The following WDFY4 variants were observed in gnomAD, a reference collection of about 807,000 sequenced individuals.
WDFY4 encodes WDFY family member 4, also known as WD repeat- and FYVE domain-containing protein 4.
Under a neutral mutation model 351.9 loss-of-function variants are expected in WDFY4, and 169 were observed. The observed-to-expected ratio is 0.48, with a 90% confidence interval of 0.42 to 0.55. WDFY4 has a LOEUF of 0.55. WDFY4 is among the 20% of genes least tolerant of loss of function. WDFY4 has a pLI of 0.00. For synonymous variants in WDFY4, 1,622 were observed against 1,574.6 expected, an observed-to-expected ratio of 1.03 and a Z score of -0.71; for missense variants, 3,803 against 3,935.6, an observed-to-expected ratio of 0.97 and a Z score of 0.90.
At chr10:48,967,354 G>A (rs1310708747) in intron 55 of WDFY4, 1 of 152,266 alleles carries the variant, frequency 6.6e-6, no homozygotes, top group African/African-American at 2.4e-5. Context: ...TGAAAAACAT[G>A]AGAAATAGGT....
At chr10:48,921,798 A>G (rs946530389) in intron 47 of WDFY4, among the ~76,000 whole-genome samples, 1 of 152,212 alleles carries the variant, frequency 6.6e-6, no homozygotes, top group Non-Finnish European at 1.5e-5. Flanking sequence ...AAATGTACAG[A>G]CACAAAAATC....
intron 16 of WDFY4, 102 bp downstream of exon 16, chr10:48,777,086 C>A: frequency 7.5e-7 from 1 of 1,339,672 alleles, no homozygotes. Context: ...CATTGAATCT[C>A]ACCACTCAGC....
rs75807581 is a variant in WDFY4 at position 48,822,995 on chromosome 10, G to A, written c.5982+458G>A. Among the ~76,000 whole-genome samples, 899 of 152,208 alleles carry A rather than the reference G, an allele frequency of 5.9e-3. 6 individuals carry two copies. Among genetic ancestry groups the A allele is most frequent in the Middle Eastern group, 0.024 (7 of 294 alleles). ...GGAGACAGGCATCTATTTTAACCTT[G>A]TCTTTTTATTCTTGCCTGTGCCCTT... On this transcript the variant is annotated intron_variant, in intron 35 of 61. Transcript: ENST00000325239.
chr10:48,824,084 G>A (rs989177912), intron 35 of WDFY4: 2 of 985,420 alleles, frequency 2.0e-6, no homozygotes, highest in Non-Finnish European at 2.4e-6. Context: ...GTATGGACCA[G>A]TCCATGCTAA....
At chr10:48,708,293 C>G (rs2063684513) in intron 1 of WDFY4, among the ~76,000 whole-genome samples, 3 of 152,160 alleles carry the variant, frequency 2.0e-5, no homozygotes, top group Non-Finnish European at 2.9e-5. Context: ...GGCTGGTTAT[C>G]CTTGCCGGTG....
At chr10:48,760,303 C>G in intron 12 of WDFY4, 44 bp from the exon 13 acceptor site, 1 of 1,517,652 alleles carries the variant, frequency 6.6e-7, no homozygotes, top group Non-Finnish European at 8.9e-7. Context: ...TAGAAAGAAA[C>G]TGGAAGGTCC....
chr10:48,929,008 AAGAGAAAGAGTCAGGAT>A (rs1264628876), intron 47 of WDFY4, among the ~76,000 whole-genome samples: 1 of 152,226 alleles, frequency 6.6e-6, no homozygotes, highest in Non-Finnish European at 1.5e-5. Flanking sequence ...GGATGTTAGG[AAGAGAAAGAGTCAGGAT>A]AGAGACATAG....
intron 44 of WDFY4, among the ~76,000 whole-genome samples, chr10:48,893,301 TG>T (rs1413923047): frequency 1.6e-4 from 24 of 152,224 alleles, no homozygotes; most frequent in Non-Finnish European, 2.9e-5. Flanking sequence ...CATTTTAACT[TG>T]ATTACCTCTG....
At chr10:48,796,234 TG>T in intron 23 of WDFY4, 63 bp from the exon 24 acceptor site, 1 of 1,498,614 alleles carries the variant, frequency 6.7e-7, no homozygotes, top group Non-Finnish European at 9.0e-7. Context: ...CTGGGACAAG[TG>T]GGTGAAGGGG....
chr10:48,950,330 C>A (rs895881331), intron 51 of WDFY4, among the ~76,000 whole-genome samples: 2 of 152,204 alleles, frequency 1.3e-5, no homozygotes, highest in Non-Finnish European at 2.9e-5. Context: ...TTGCACTTAG[C>A]GTAACGTCCT....
intron 45 of WDFY4, 34 bp from the exon 46 acceptor site, chr10:48,900,187 T>C: frequency 6.5e-7 from 1 of 1,542,306 alleles, no homozygotes; most frequent in Non-Finnish European, 8.8e-7. Flanking sequence ...GTCCACAAAA[T>C]ATCAGGAGCA....
intron 47 of WDFY4, among the ~76,000 whole-genome samples, chr10:48,909,287 G>GT (rs890483008): frequency 1.6e-4 from 24 of 151,702 alleles, no homozygotes; most frequent in African/African-American, 5.1e-4. Flanking sequence ...TTTATTTTTT[G>GT]TTTTTTTCCT....
Position 48,982,514 on chromosome 10 carries a change from A to G in WDFY4, c.9494A>G (p.His3165Arg), listed in dbSNP as rs1351754556. Residue 3165 changes from histidine (H) to arginine (R), a missense_variant, in exon 62 of 62, where the codon CAC becomes CGC. His to Arg is a conservative substitution (Grantham distance 29). This residue lies in a region of WDFY4 where 3,054 missense variants were observed against 3,148.6 expected (regional missense o/e 0.97). Coordinates refer to ENST00000325239, the MANE Select transcript of WDFY4 (RefSeq NM_001394531.1). ...AVTALAVSRN[H>R]TKLLVGDERG... ...CTTTTCTTTCTCTTCCCAAGAAACC[A>G]CACCAAACTCCTGGTTGGTGATGAG... is the stretch of plus-strand genomic sequence containing the variant. 2 of 1,515,826 alleles carry G rather than the reference A, an allele frequency of 1.3e-6. No homozygotes were observed. Among genetic ancestry groups the G allele is most frequent in the Non-Finnish European group, 1.8e-6 (2 of 1,126,946 alleles). The allele number at this position is 1,515,826 out of a possible 1,614,324, so 93.9% of individuals were successfully genotyped here.
intron 57 of WDFY4, among the ~76,000 whole-genome samples, chr10:48,972,673 T>C (rs1842388054): frequency 6.6e-6 from 1 of 152,232 alleles, no homozygotes; most frequent in African/African-American, 2.4e-5. Context: ...CTTATCTAGG[T>C]TGCTGTTTGC....
In WDFY4 at chr10:48,947,632, G is replaced by A. The variant is rs552521451; in HGVS notation, c.7977+663G>A. ...TGCCAGGTTGGTGTCCAAGGCATGGGGGATTTCTGGGACAGAGTCTTTCAT... is the reference window on the plus strand; with the variant it reads ...TGCCAGGTTGGTGTCCAAGGCATGGAGGATTTCTGGGACAGAGTCTTTCAT... On this transcript the variant is annotated intron_variant, in intron 51 of 61. Transcript: ENST00000325239. Among the ~76,000 whole-genome samples the A allele has an allele frequency of 2.0e-5, 3 of 152,300 alleles. No homozygotes were observed. The South Asian group carries it at 6.2e-4, about 32-fold the overall frequency.
chr10:48,801,001 G>C (rs189542979), intron 24 of WDFY4, among the ~76,000 whole-genome samples: 95 of 152,142 alleles, frequency 6.2e-4, no homozygotes, highest in African/African-American at 2.0e-3. Context: ...CCAAAGTTCT[G>C]GGATTATAGG....
chr10:48,706,089 A>C (rs1228314567), intron 1 of WDFY4, among the ~76,000 whole-genome samples: 1 of 152,212 alleles, frequency 6.6e-6, no homozygotes, highest in East Asian at 1.9e-4. Flanking sequence ...CCTAGTAGAA[A>C]TCTTGGAGTG....
At chr10:48,800,675 T>TTTCTTTCC (rs2067040139) in intron 24 of WDFY4, among the ~76,000 whole-genome samples, 1 of 48,508 alleles carries the variant, frequency 2.1e-5, no homozygotes, top group Non-Finnish European at 3.7e-5. Flanking sequence ...TTTTGGTTTC[T>TTTCTTTCC]TTCTTTCTTT....
Position 48,830,904 on chromosome 10 carries a change from C to T in WDFY4, c.6526+19C>T. On this transcript the variant is annotated intron_variant, in intron 38 of 61. Transcript: ENST00000325239. ...TACTTAGGTCTCTATCCACTCGGCT[C>T]CAGGGAATGGGAACTCCTGGGTCTC... 1 of 1,544,010 alleles carries T rather than the reference C, an allele frequency of 6.5e-7. No homozygotes were observed. Among genetic ancestry groups the T allele is most frequent in the Non-Finnish European group, 8.8e-7 (1 of 1,141,640 alleles).
Sources: gnomAD v4.1 joint callset for allele counts (sites outside exome capture counted in the v4.1 genomes callset) on GRCh38, gnomAD v4.1.1 for gene constraint, gnomAD v4.1.1 regional missense constraint, MANE v1.5 for transcripts, NCBI Gene and HGNC (gene_info 2026-07-23, HGNC 2026-07-21) for gene names.